The following NAALADL2 variants were observed in gnomAD, a reference collection of about 807,000 sequenced individuals.
NAALADL2 encodes the protein N-acetylated alpha-linked acidic dipeptidase like 2.
In NAALADL2, 76 loss-of-function variants were observed where a neutral mutation model predicts 87.2. The ratio of observed to expected loss-of-function variants is 0.87; its 90% CI spans 0.72 to 1.05. The LOEUF is 1.05. Among genes scored for constraint, NAALADL2 ranks in the 50% least tolerant of loss-of-function variants. NAALADL2 has a pLI of 0.00. For missense variants in NAALADL2, 1,089 were observed against 945.8 expected, an observed-to-expected ratio of 1.15 and a Z score of -1.99; for synonymous variants, 354 against 331.0, an observed-to-expected ratio of 1.07 and a Z score of -0.75.
rs544751012 is a variant in NAALADL2, at chr3:175,428,377, T to C, written c.1091-18852T>C. Among the ~76,000 whole-genome samples the C allele has an allele frequency of 8.8e-4, 134 of 152,276 alleles. 1 individual carries two copies. The highest frequency in any genetic ancestry group is 3.4e-3 in the Middle Eastern group (1 of 294). ...ATATATTTCTCAAAGATTTCAGACTTCATTCCACTTTATAACAAAATAGTC... is the reference window on the plus strand; with the variant it reads ...ATATATTTCTCAAAGATTTCAGACTCCATTCCACTTTATAACAAAATAGTC... On this transcript the variant is annotated intron_variant, in intron 5 of 13. Coordinates refer to ENST00000454872, the MANE Select transcript of NAALADL2 (RefSeq NM_207015.3).
At chr3:175,785,043 GT>G (rs1193065189) in intron 13 of NAALADL2, among the ~76,000 whole-genome samples, 1 of 150,834 alleles carries the variant, frequency 6.6e-6, no homozygotes, top group Non-Finnish European at 1.5e-5. Context: ...CTGAGTTCTA[GT>G]TTGATTGCAC....
chr3:174,441,301 G>T (rs1351197590), intron 1 of NAALADL2, among the ~76,000 whole-genome samples: 5 of 152,142 alleles, frequency 3.3e-5, no homozygotes, highest in Non-Finnish European at 7.4e-5. Context: ...TCCGCGAGGC[G>T]CGCTGGCCAA....
chr3:175,503,222 C>G (rs966634332), intron 9 of NAALADL2, among the ~76,000 whole-genome samples: 2 of 152,084 alleles, frequency 1.3e-5, no homozygotes, highest in Non-Finnish European at 1.5e-5. Flanking sequence ...GGTTAATGGC[C>G]TCCAGCTCCA....
chr3:174,816,413 CGT>C (rs10567967), intron 3 of NAALADL2, among the ~76,000 whole-genome samples: 59,595 of 148,328 alleles, frequency 0.4, 11,940 homozygotes, highest in East Asian at 0.44. Flanking sequence ...TATGTGTGTG[CGT>C]GTGTGTGTGT....
chr3:175,309,790 G>A (rs553709840), intron 4 of NAALADL2, among the ~76,000 whole-genome samples: 12 of 152,002 alleles, frequency 7.9e-5, no homozygotes, highest in African/African-American at 2.4e-4. Flanking sequence ...AGCATTTTAC[G>A]TTTCTGAAAA....
At chr3:174,971,228 T>C (rs947808951) in intron 1 of NAALADL2, among the ~76,000 whole-genome samples, 12 of 152,144 alleles carry the variant, frequency 7.9e-5, no homozygotes, top group African/African-American at 2.9e-4. Flanking sequence ...AAGTTGAGAT[T>C]TGGATGGGGA....
intron 4 of NAALADL2, among the ~76,000 whole-genome samples, chr3:175,283,254 C>T (rs1406126606): frequency 6.6e-6 from 1 of 152,002 alleles, no homozygotes; most frequent in African/African-American, 2.4e-5. Context: ...ACCGAGTGAC[C>T]AGGTAGGCAG....
chr3:174,898,401 T>A (rs965187179), intron 1 of NAALADL2, among the ~76,000 whole-genome samples: 6 of 151,086 alleles, frequency 4.0e-5, no homozygotes, highest in Non-Finnish European at 5.9e-5. Flanking sequence ...ATAAATAAAT[T>A]AATAATAAAT....
chr3:175,433,607 A>G (rs529038318), intron 5 of NAALADL2, among the ~76,000 whole-genome samples: 1 of 152,146 alleles, frequency 6.6e-6, no homozygotes, highest in South Asian at 2.1e-4. Flanking sequence ...AAAACTCATT[A>G]CTAAGTAAAA....
At chr3:175,546,388 C>T (rs1006845235) in intron 9 of NAALADL2, among the ~76,000 whole-genome samples, 2 of 152,072 alleles carry the variant, frequency 1.3e-5, no homozygotes, top group Non-Finnish European at 2.9e-5. Context: ...AGCGCATTTA[C>T]ATTTAAGATT....
At chr3:174,514,015 A>T (rs1306000419) in intron 1 of NAALADL2, among the ~76,000 whole-genome samples, 1 of 152,048 alleles carries the variant, frequency 6.6e-6, no homozygotes. Context: ...ATCATTTATG[A>T]TGCAAAGCAA....
chr3:174,745,727 A>G (rs1271069110), intron 3 of NAALADL2, among the ~76,000 whole-genome samples: 1 of 152,212 alleles, frequency 6.6e-6, no homozygotes, highest in African/African-American at 2.4e-5. Context: ...GCAGTGCATC[A>G]AAAAGCTTAT....
chr3:174,819,279 G>A (rs1391848767), intron 3 of NAALADL2, among the ~76,000 whole-genome samples: 1 of 151,382 alleles, frequency 6.6e-6, no homozygotes, highest in South Asian at 2.1e-4. Flanking sequence ...TGCCCAGGCT[G>A]GTTTTGAACT....
intron 4 of NAALADL2, among the ~76,000 whole-genome samples, chr3:175,307,421 A>G (rs1441086145): frequency 6.6e-6 from 1 of 152,176 alleles, no homozygotes; most frequent in Non-Finnish European, 1.5e-5. Context: ...AAGTATACGT[A>G]TAGAAATTGA....
At chr3:175,168,042 AT>A (rs71624300) in intron 2 of NAALADL2, among the ~76,000 whole-genome samples, 5 of 151,542 alleles carry the variant, frequency 3.3e-5, no homozygotes, top group Middle Eastern at 3.4e-3. Context: ...CACTATTACA[AT>A]TTTTTTTCCC....
intron 1 of NAALADL2, among the ~76,000 whole-genome samples, chr3:174,956,406 T>TC (rs1741161456): frequency 6.6e-6 from 1 of 152,174 alleles, no homozygotes; most frequent in African/African-American, 2.4e-5. Flanking sequence ...AGAGGCAGAG[T>TC]CCTGTAGACT....
chr3:174,584,725 G>T (rs1442449421), intron 2 of NAALADL2, among the ~76,000 whole-genome samples: 1 of 152,064 alleles, frequency 6.6e-6, no homozygotes, highest in African/African-American at 2.4e-5. Flanking sequence ...GCTACTGTGA[G>T]TTTTGCTGGT....
chr3:174,815,957 G>C (rs375258866), intron 3 of NAALADL2, among the ~76,000 whole-genome samples: 34 of 150,696 alleles, frequency 2.3e-4, no homozygotes, highest in African/African-American at 7.8e-4. Flanking sequence ...GTCATACTTG[G>C]AGGTACTTAG....
intron 5 of NAALADL2, among the ~76,000 whole-genome samples, chr3:175,415,852 A>T (rs1312880951): frequency 6.6e-6 from 1 of 151,424 alleles, no homozygotes; most frequent in Non-Finnish European, 1.5e-5. Context: ...GGTGGCTCAC[A>T]CCTGTAATTC....
Sources: gnomAD v4.1 joint callset for allele counts (sites outside exome capture counted in the v4.1 genomes callset) on GRCh38, gnomAD v4.1.1 for gene constraint, MANE v1.5 for transcripts, NCBI Gene and HGNC (gene_info 2026-07-23, HGNC 2026-07-21) for gene names.